The following INTS8 variants were observed in gnomAD, a reference collection of about 807,000 sequenced individuals.
INTS8 encodes integrator complex subunit 8.
In INTS8, 47 loss-of-function variants were observed where a neutral mutation model predicts 138.9. That is an observed-to-expected ratio of 0.34 (90% confidence interval 0.27 to 0.43). The LOEUF is 0.43. Ranked by LOEUF, INTS8 falls within the 20% of genes least tolerant of loss-of-function variation. The probability of loss-of-function intolerance (pLI) is 1.00; values close to 1 mark genes in which losing one functional copy is unlikely to be tolerated. For synonymous variants in INTS8, 392 were observed against 400.9 expected (o/e 0.98, Z 0.27); for missense variants, 996 against 1,173.0 (o/e 0.85, Z 2.20).
chr8:94,874,734 A>G, intron 23 of INTS8, 132 bp downstream of exon 23: 1 of 532,870 alleles, frequency 1.9e-6, no homozygotes, highest in Non-Finnish European at 3.3e-6. Flanking sequence ...AGAGTTTGGC[A>G]TATTCTTTAA....
Position 94,856,173 on chromosome 8 carries a change from A to G in INTS8, c.1753-604A>G, listed in dbSNP as rs553180585. Among the ~76,000 whole-genome samples the G allele has an allele frequency of 3.9e-5, 6 of 152,370 alleles. No individual in the cohort carries two copies. The East Asian group carries it at 9.6e-4, about 24-fold the overall frequency. Reference sequence around the variant, plus strand: ...AGTTGAAGCCCCTAATTCCTGTAAGATAACAGTGTTCAGTAGATTGGACAA... The same window carrying G: ...AGTTGAAGCCCCTAATTCCTGTAAGGTAACAGTGTTCAGTAGATTGGACAA... On this transcript the variant is annotated intron_variant, in intron 14 of 26. Coordinates refer to ENST00000523731, the MANE Select transcript of INTS8 (RefSeq NM_017864.4).
At chr8:94,828,610 A>G (rs1814599242) in intron 4 of INTS8, among the ~76,000 whole-genome samples, 1 of 152,084 alleles carries the variant, frequency 6.6e-6, no homozygotes, top group African/African-American at 2.4e-5. Flanking sequence ...TTTTGTTGTA[A>G]GTTTTGCTCT....
intron 16 of INTS8, among the ~76,000 whole-genome samples, chr8:94,863,661 G>A (rs1039133937): frequency 7.9e-5 from 12 of 152,152 alleles, no homozygotes; most frequent in Non-Finnish European, 1.2e-4. Flanking sequence ...AAGAATGTTT[G>A]TGGAATTCAA....
chr8:94,849,848 T>G, intron 11 of INTS8, 68 bp from the exon 12 acceptor site: 1 of 1,159,040 alleles, frequency 8.6e-7, no homozygotes, highest in Non-Finnish European at 1.2e-6. Context: ...TAAAATTGGT[T>G]GATATGATTG....
rs779212015 is a variant in INTS8, at chr8:94,823,405, C to A, written c.-27C>A. 6.6e-7 allele frequency: 1 copy of A among 1,518,990 alleles called. No individual in the cohort carries two copies. The highest frequency in any genetic ancestry group is 8.8e-7 in the Non-Finnish European group (1 of 1,135,332). 94.1% of individuals were successfully genotyped at this position (1,518,990 alleles called of 1,614,324 possible). A position where few individuals can be genotyped will look rare whatever the true frequency, so the allele number is the denominator to read the frequency against. ...TGTCAGGTTGGAGCCGGGAAGCGGC[C>A]CTGGTGGTAGCGGCGGCGGGGGCAG... On this transcript the variant is annotated 5_prime_UTR_variant, in exon 1 of 27. Transcript: ENST00000523731.
In INTS8 at chr8:94,844,038, T is replaced by A. The variant is rs528350298; in HGVS notation, c.1260+1550T>A. ...AGATAGAGTTCTGCTTTTTTTTTTT[T>A]ATTTTTTTATTTTTTGAGATGGGGC... On this transcript the variant is annotated intron_variant, in intron 10 of 26. Transcript: ENST00000523731. Among the ~76,000 whole-genome samples the A allele has an allele frequency of 2.0e-3, 305 of 151,062 alleles. 1 individual carries two copies. The highest frequency in any genetic ancestry group is 2.7e-3 in the Non-Finnish European group (184 of 67,730).
At position 94,880,274 on chromosome 8, in the gene INTS8, G is replaced by T; in HGVS notation, c.*40G>T. The stretch of plus-strand genomic sequence containing the variant: ...TTAACTTTTATTTTTTAAACAATGG[G>T]CTAAAAATAAACAGTATTAAAAGGT... On this transcript the variant is annotated 3_prime_UTR_variant, in exon 27 of 27. Coordinates refer to ENST00000523731, the MANE Select transcript of INTS8 (RefSeq NM_017864.4). 15 of 1,071,782 alleles carry T rather than the reference G, an allele frequency of 1.4e-5. No individual in the cohort carries two copies. The highest frequency in any genetic ancestry group is 2.1e-5 in the Non-Finnish European group (15 of 712,608). 66.4% of individuals were successfully genotyped at this position (1,071,782 alleles called of 1,614,324 possible).
chr8:94,850,062 A>G lies in INTS8; in HGVS notation c.1478A>G (p.Lys493Arg). Residue 493 changes from lysine (K) to arginine (R), a missense_variant, in exon 12 of 27, where the codon AAA (lysine) becomes AGA (arginine). Physicochemically the swap from Lys to Arg is conservative, Grantham distance 26. Transcript: ENST00000523731. ...KRSPRVNLCI[K>R]PVTSFYDIPA... ...TCCCCTAGAGTAAATCTGTGCATTAAACCTGTAACTTCATTTTATGATATC... is the reference window on the plus strand; with the variant it reads ...TCCCCTAGAGTAAATCTGTGCATTAGACCTGTAACTTCATTTTATGATATC... 6.2e-7 allele frequency: 1 copy of G among 1,606,568 alleles called. No homozygotes were observed. The highest frequency in any genetic ancestry group is 1.7e-4 in the Middle Eastern group (1 of 6,034).
Position 94,842,403 on chromosome 8 carries a change from A to T in INTS8, c.1175A>T (p.Asp392Val). ...FKVCACNTVR[D>V]ILEGRTISVQ... ...GTTTGTGCCTGTAATACAGTCCGTG[A>T]TATACTGGAAGGCAGAACAATTAGT... Residue 392 changes from aspartate (D) to valine (V), a missense_variant, in exon 10 of 27, where the codon GAT (aspartate) becomes GTT (valine). Asp to Val is a radical substitution (Grantham distance 152). Transcript: ENST00000523731. 1 of 1,604,120 alleles carries T rather than the reference A, an allele frequency of 6.2e-7. No homozygotes were observed. Among genetic ancestry groups the T allele is most frequent in the Non-Finnish European group, 8.5e-7 (1 of 1,171,178 alleles).
chr8:94,837,062 A>G (rs1235707930), intron 7 of INTS8, among the ~76,000 whole-genome samples: 4 of 152,208 alleles, frequency 2.6e-5, no homozygotes, highest in African/African-American at 4.8e-5. Context: ...AGTTCCTACA[A>G]TTATTGCCAT....
At chr8:94,863,490 T>C (rs1012589038) in intron 16 of INTS8, among the ~76,000 whole-genome samples, 1 of 152,268 alleles carries the variant, frequency 6.6e-6, no homozygotes, top group Non-Finnish European at 1.5e-5. Context: ...GTTGTACTGA[T>C]CCTGCTACTG....
At chr8:94,856,740 G>A in intron 14 of INTS8, 37 bp from the exon 15 acceptor site, 3 of 1,584,578 alleles carry the variant, frequency 1.9e-6, no homozygotes, top group Non-Finnish European at 2.6e-6. Flanking sequence ...TGGCGCCAAA[G>A]GAAAGGTGAC....
chr8:94,833,865 A>G (rs1012355355), intron 6 of INTS8, among the ~76,000 whole-genome samples: 1 of 152,248 alleles, frequency 6.6e-6, no homozygotes, highest in East Asian at 1.9e-4. Context: ...TCCGCCTCCC[A>G]GGTTCAAGCA....
At chr8:94,861,711 C>T (rs1439737300) in intron 16 of INTS8, among the ~76,000 whole-genome samples, 1 of 151,940 alleles carries the variant, frequency 6.6e-6, no homozygotes, top group Non-Finnish European at 1.5e-5. Flanking sequence ...CACCACCACG[C>T]CTGGCTAATT....
At chr8:94,867,868 CAG>C (rs920745324) in intron 20 of INTS8, 3 of 152,190 alleles carry the variant, frequency 2.0e-5, no homozygotes, top group African/African-American at 7.2e-5. Flanking sequence ...AGCCTTGGAA[CAG>C]AAGATATAAG....
intron 8 of INTS8, among the ~76,000 whole-genome samples, chr8:94,839,137 G>A (rs758518693): frequency 2.6e-5 from 4 of 152,174 alleles, no homozygotes; most frequent in Admixed American, 6.6e-5. Context: ...CAGTGAACAC[G>A]GCAGTTGTTC....
At chr8:94,852,917 A>T (rs533759130) in intron 13 of INTS8, among the ~76,000 whole-genome samples, 1 of 152,224 alleles carries the variant, frequency 6.6e-6, no homozygotes, top group East Asian at 1.9e-4. Flanking sequence ...CTGTATTTTT[A>T]AAAATTGGGT....
At chr8:94,856,734 G>A (rs760716195) in intron 14 of INTS8, 43 bp from the exon 15 acceptor site, 37 of 1,550,016 alleles carry the variant, frequency 2.4e-5, no homozygotes, top group African/African-American at 1.5e-4. Flanking sequence ...ATTTTTTGGC[G>A]CCAAAGGAAA....
chr8:94,849,658 G>T, intron 11 of INTS8, 126 bp downstream of exon 11: 1 of 641,244 alleles, frequency 1.6e-6, no homozygotes, highest in Non-Finnish European at 2.7e-6. Context: ...ACTGGTGTTT[G>T]AGAACCCATT....
Sources: allele counts gnomAD v4.1 joint callset (sites outside exome capture counted in the v4.1 genomes callset), GRCh38; gene constraint gnomAD v4.1.1; transcripts MANE v1.5; gene names NCBI Gene and HGNC (gene_info 2026-07-23, HGNC 2026-07-21).